Variants in FBXL5 observed in about 807,000 individuals in gnomAD.
The protein encoded by FBXL5 is F-box/LRR-repeat protein 5.
In FBXL5, 26 loss-of-function variants were observed where a neutral mutation model predicts 78.3. The observed-to-expected ratio is 0.33, with a 90% CI of 0.24 to 0.46. The LOEUF is 0.46. Ranked by LOEUF, FBXL5 falls within the 20% of genes least tolerant of loss-of-function variation. The pLI is 1.00. For missense variants in FBXL5, 710 were observed against 829.2 expected, an observed-to-expected ratio of 0.86 and a Z score of 1.77; for synonymous variants, 295 against 282.5, an observed-to-expected ratio of 1.04 and a Z score of -0.45.
intron 3 of FBXL5, among the ~76,000 whole-genome samples, 163 bp downstream of exon 3, chr4:15,640,625 G>GT (rs1009114096): frequency 3.0e-4 from 43 of 144,990 alleles, no homozygotes; most frequent in Admixed American, 4.1e-4. Flanking sequence ...CAAAACAAAC[G>GT]TTTTTTTTTT....
intron 1 of FBXL5, among the ~76,000 whole-genome samples, chr4:15,671,395 A>T (rs1717761869): frequency 6.6e-6 from 1 of 151,936 alleles, no homozygotes; most frequent in Non-Finnish European, 1.5e-5. Context: ...TTAAGATTTT[A>T]TCTTTATCAC....
chr4:15,656,222 C>CA (rs995861492), upstream of FBXL5: 128 of 456,260 alleles, frequency 2.8e-4, 2 homozygotes, highest in Non-Finnish European at 3.1e-5. Flanking sequence ...AAAACAAGGT[C>CA]ACTAACCCAG....
chr4:15,615,059 C>A (rs1327857781), intron 9 of FBXL5, among the ~76,000 whole-genome samples: 2 of 152,304 alleles, frequency 1.3e-5, no homozygotes, highest in East Asian at 3.9e-4. Flanking sequence ...AGCACCCGGG[C>A]CAGTGGCTGC....
intron 1 of FBXL5, among the ~76,000 whole-genome samples, chr4:15,647,702 C>T (rs1195706695): frequency 1.3e-5 from 2 of 152,094 alleles, no homozygotes; most frequent in Non-Finnish European, 2.9e-5. Flanking sequence ...GAATCTATAT[C>T]CAGCTAACCT....
At chr4:15,663,671 G>A (rs1317590226), upstream of FBXL5, among the ~76,000 whole-genome samples, 1 of 152,162 alleles carries the variant, frequency 6.6e-6, no homozygotes, top group African/African-American at 2.4e-5. Context: ...TATAGTCAAA[G>A]AGCTCACAAC....
At chr4:15,641,040 A>G (rs372375223) in intron 2 of FBXL5, among the ~76,000 whole-genome samples, 157 bp from the exon 3 acceptor site, 2 of 152,310 alleles carry the variant, frequency 1.3e-5, no homozygotes, top group Admixed American at 6.5e-5. Context: ...AGATACCCAT[A>G]AAACAGTAAG....
At chr4:15,614,641 C>T (rs909832414) in intron 9 of FBXL5, among the ~76,000 whole-genome samples, 4 of 152,200 alleles carry the variant, frequency 2.6e-5, no homozygotes, top group East Asian at 3.9e-4. Flanking sequence ...GGGCTTGCTG[C>T]GGCTGCTGTG....
chr4:15,655,402 G>A (rs2148737221), upstream of FBXL5: 5 of 1,026,716 alleles, frequency 4.9e-6, no homozygotes, highest in Non-Finnish European at 5.9e-6. Flanking sequence ...CCGTCGGCGC[G>A]CGCGCCCGGT....
At chr4:15,655,930 GA>G (rs1220247426), upstream of FBXL5, among the ~76,000 whole-genome samples, 15 of 152,250 alleles carry the variant, frequency 9.9e-5, no homozygotes, top group African/African-American at 3.6e-4. Context: ...CGGGCTCTGA[GA>G]GCTTCGGTCC....
At chr4:15,651,157 C>A (rs1006060618) in intron 1 of FBXL5, among the ~76,000 whole-genome samples, 2 of 152,164 alleles carry the variant, frequency 1.3e-5, no homozygotes, top group Admixed American at 6.5e-5. Flanking sequence ...GACTTATACT[C>A]AGTGAAGAAA....
intron 1 of FBXL5, among the ~76,000 whole-genome samples, chr4:15,666,597 C>A (rs1352922234): frequency 7.9e-5 from 12 of 152,024 alleles, no homozygotes. Flanking sequence ...AGGGTGATTA[C>A]AGTCAATAAT....
intron 6 of FBXL5, 147 bp downstream of exon 6, chr4:15,630,519 C>A (rs1417321845): frequency 3.4e-6 from 2 of 595,404 alleles, no homozygotes; most frequent in Non-Finnish European, 5.2e-6. Context: ...CATTATTATT[C>A]CTTCAAATTT....
intron 7 of FBXL5, 65 bp downstream of exon 7, chr4:15,627,820 G>T: frequency 6.6e-7 from 1 of 1,517,622 alleles, no homozygotes; most frequent in Non-Finnish European, 8.9e-7. Flanking sequence ...ACTCAGGAAT[G>T]AGCAAACCAA....
intron 1 of FBXL5, among the ~76,000 whole-genome samples, chr4:15,646,702 C>G (rs965109129): frequency 1.0e-4 from 14 of 133,996 alleles, no homozygotes; most frequent in African/African-American, 3.8e-4. Flanking sequence ...CCCCTCCCCC[C>G]ACCCCACAAC....
chr4:15,625,195 T>A, intron 9 of FBXL5, 57 bp downstream of exon 9: 1 of 1,500,862 alleles, frequency 6.7e-7, no homozygotes, highest in South Asian at 1.4e-5. Flanking sequence ...AATTTTTATA[T>A]TCCATTTGGA....
chr4:15,630,796 T>G lies in FBXL5; in HGVS notation c.767-5A>C, dbSNP rs766694996. 1.2e-6 allele frequency: 2 copies of G among 1,602,854 alleles called. No homozygotes were observed. Among genetic ancestry groups the G allele is most frequent in the Non-Finnish European group, 1.7e-6 (2 of 1,179,224 alleles). ...CGGGACCACTATACCAGTCACCTAC[T>G]CAATGAATAAACAAGTAAAAGGTTC... On this transcript the variant is annotated splice_region_variant and splice_polypyrimidine_tract_variant and intron_variant, in intron 5 of 10. Transcript: ENST00000341285.
At chr4:15,673,296 C>T (rs921572936) in intron 1 of FBXL5, among the ~76,000 whole-genome samples, 2 of 151,982 alleles carry the variant, frequency 1.3e-5, no homozygotes, top group African/African-American at 4.8e-5. Flanking sequence ...AAAAAATTAG[C>T]CGGGTGTGTT....
intron 1 of FBXL5, among the ~76,000 whole-genome samples, chr4:15,648,444 C>T (rs1210061804): frequency 6.6e-6 from 1 of 152,152 alleles, no homozygotes; most frequent in Non-Finnish European, 1.5e-5. Context: ...ATGTTCAATG[C>T]AGCATTATTC....
intron 5 of FBXL5, among the ~76,000 whole-genome samples, chr4:15,634,117 GA>G (rs375833976): frequency 5.3e-4 from 80 of 152,126 alleles, no homozygotes; most frequent in African/African-American, 1.9e-3. Flanking sequence ...CTGGAAGGGG[GA>G]AAAATCAATT....
Sources: gnomAD v4.1 joint callset for allele counts (sites outside exome capture counted in the v4.1 genomes callset) on GRCh38, gnomAD v4.1.1 for gene constraint, MANE v1.5 for transcripts, NCBI Gene and HGNC (gene_info 2026-07-23, HGNC 2026-07-21) for gene names.